Variants in FUT8 observed in about 807,000 individuals in gnomAD.
The protein encoded by FUT8 is fucosyltransferase 8.
FUT8 carries 29 observed loss-of-function variants against 71.3 expected under a neutral mutation model. The observed-to-expected ratio is 0.41, with a 90% CI of 0.30 to 0.55. The LOEUF is 0.55. FUT8 is among the 20% of genes least tolerant of loss of function. FUT8 has a pLI of 0.34. For synonymous variants in FUT8, 254 were observed against 239.3 expected (o/e 1.06, Z -0.57); for missense variants, 544 against 702.1 (o/e 0.77, Z 2.55).
chr14:65,529,743 A>C (rs1002392125), intron 2 of FUT8, among the ~76,000 whole-genome samples: 3 of 152,214 alleles, frequency 2.0e-5, no homozygotes, highest in Admixed American at 6.5e-5. Context: ...CAGTGGCAGC[A>C]AATCTTTAAC....
chr14:65,685,624 T>C (rs1594895620), intron 7 of FUT8, among the ~76,000 whole-genome samples: 1 of 152,208 alleles, frequency 6.6e-6, no homozygotes, highest in Non-Finnish European at 1.5e-5. Flanking sequence ...GGGCTGCTGG[T>C]TGCCCATTTT....
chr14:65,365,952 C>T, the FUT8 span, among the ~76,000 whole-genome samples: 1 of 152,166 alleles, frequency 6.6e-6, no homozygotes, highest in African/African-American at 2.4e-5. Context: ...ATTCTCCTGC[C>T]TCAGCCTCCT....
At chr14:65,422,832 T>C (rs1280917131) in intron 1 of FUT8, among the ~76,000 whole-genome samples, 1 of 151,866 alleles carries the variant, frequency 6.6e-6, no homozygotes, top group Non-Finnish European at 1.5e-5. Context: ...AAATGTTTTT[T>C]GTAGAGGCAG....
chr14:65,545,155 A>G (rs1258242400), intron 2 of FUT8, among the ~76,000 whole-genome samples: 1 of 151,976 alleles, frequency 6.6e-6, no homozygotes, highest in Non-Finnish European at 1.5e-5. Context: ...GTTCCTTTCT[A>G]CTTCTTTCTT....
At chr14:65,464,312 G>A (rs1292729218) in intron 2 of FUT8, among the ~76,000 whole-genome samples, 1 of 143,080 alleles carries the variant, frequency 7.0e-6, no homozygotes, top group African/African-American at 2.6e-5. Context: ...CAAATAGAGA[G>A]TTTTATTTCT....
rs75330318 is a variant in FUT8, at chr14:65,695,079, G to T, written c.835+25599G>T. Among the ~76,000 whole-genome samples, 881 of 152,248 alleles carry T rather than the reference G, an allele frequency of 5.8e-3. 34 individuals carry two copies. In the East Asian group the frequency reaches 0.093, roughly 16 times the overall value. The stretch of plus-strand genomic sequence containing the variant: ...ATAATTTGTTAAGGTGTGTTTTGTA[G>T]GCCAGAATATTGTTTAGCTTGGTGA... On this transcript the variant is annotated intron_variant, in intron 7 of 10. Transcript: ENST00000673929.
intron 7 of FUT8, 65 bp from the exon 8 acceptor site, chr14:65,721,710 C>A (rs560117304): frequency 4.0e-6 from 6 of 1,512,430 alleles, no homozygotes; most frequent in South Asian, 3.5e-5. Context: ...AGAATAAGTT[C>A]TTGTTGAATG....
At chr14:65,720,619 GT>G (rs1566915331) in intron 7 of FUT8, among the ~76,000 whole-genome samples, 15 of 152,188 alleles carry the variant, frequency 9.9e-5, no homozygotes, top group Non-Finnish European at 2.2e-4. Flanking sequence ...ACCTCAGCTG[GT>G]GGCTCACTAG....
At chr14:65,602,325 C>G (rs143432010) in intron 3 of FUT8, among the ~76,000 whole-genome samples, 1 of 125,800 alleles carries the variant, frequency 7.9e-6, no homozygotes, top group African/African-American at 3.1e-5. Flanking sequence ...TTTTCATGGC[C>G]GAGTAGCGTT....
At chr14:65,606,733 A>G (rs932120473) in intron 3 of FUT8, among the ~76,000 whole-genome samples, 3 of 151,200 alleles carry the variant, frequency 2.0e-5, no homozygotes. Flanking sequence ...GGGAAATCCT[A>G]TTTTTTTTCT....
chr14:65,695,141 A>T (rs1304414004), intron 7 of FUT8, among the ~76,000 whole-genome samples: 1 of 151,718 alleles, frequency 6.6e-6, no homozygotes, highest in Non-Finnish European at 1.5e-5. Context: ...TGTGCATTCT[A>T]CTGTGGCTAG....
intron 3 of FUT8, among the ~76,000 whole-genome samples, chr14:65,612,553 A>G (rs929423453): frequency 1.3e-5 from 2 of 152,192 alleles, no homozygotes; most frequent in Non-Finnish European, 2.9e-5. Flanking sequence ...GTACCTTTGC[A>G]GATTTCTGGA....
intron 2 of FUT8, among the ~76,000 whole-genome samples, chr14:65,559,768 A>T (rs776312079): frequency 6.6e-6 from 1 of 152,140 alleles, no homozygotes; most frequent in Non-Finnish European, 1.5e-5. Context: ...ACATAAGATG[A>T]AAAGTAGGGG....
chr14:65,655,218 A>C (rs527971201), intron 6 of FUT8, among the ~76,000 whole-genome samples: 106 of 152,078 alleles, frequency 7.0e-4, no homozygotes, highest in African/African-American at 2.4e-3. Flanking sequence ...TCACGCCTGT[A>C]ATCCCAGCAC....
intron 2 of FUT8, among the ~76,000 whole-genome samples, chr14:65,532,452 C>A (rs1355233109): frequency 3.3e-5 from 5 of 151,930 alleles, no homozygotes; most frequent in Admixed American, 1.3e-4. Context: ...GAAAAGTGAT[C>A]ACATCCTTTA....
At chr14:65,699,145 TACACACACACACACAC>T (rs60092488) in intron 7 of FUT8, among the ~76,000 whole-genome samples, 2,459 of 132,106 alleles carry the variant, frequency 0.019, 54 homozygotes, top group African/African-American at 0.053. Flanking sequence ...CCCTCCCTTC[TACACACACACACACAC>T]ACACACACAC....
intron 7 of FUT8, among the ~76,000 whole-genome samples, chr14:65,679,803 A>G (rs1346458702): frequency 1.3e-5 from 2 of 152,230 alleles, no homozygotes; most frequent in East Asian, 1.9e-4. Context: ...AGTGTGTCAC[A>G]TATAAAATCT....
At chr14:65,667,003 T>C (rs1892247428) in intron 6 of FUT8, among the ~76,000 whole-genome samples, 1 of 152,108 alleles carries the variant, frequency 6.6e-6, no homozygotes, top group African/African-American at 2.4e-5. Context: ...AGACTAGCCA[T>C]CGAAGGAACA....
At chr14:65,687,593 G>A (rs141197346) in intron 7 of FUT8, among the ~76,000 whole-genome samples, 130 of 152,180 alleles carry the variant, frequency 8.5e-4, no homozygotes, top group African/African-American at 2.9e-3. Flanking sequence ...TTTTTGGTCG[G>A]TTTTGAATGA....
Sources: allele counts gnomAD v4.1 joint callset (sites outside exome capture counted in the v4.1 genomes callset), GRCh38; gene constraint gnomAD v4.1.1; transcripts MANE v1.5; gene names NCBI Gene and HGNC (gene_info 2026-07-23, HGNC 2026-07-21).